Variants in GLI3 observed in about 807,000 individuals in gnomAD.
GLI3 encodes GLI family zinc finger 3, also known as transcription activator GLI3.
In GLI3, 20 loss-of-function variants were observed where a neutral mutation model predicts 100.8. The observed-to-expected ratio is 0.20, with a 90% confidence interval of 0.14 to 0.29. The LOEUF is 0.29. Among genes scored for constraint, GLI3 ranks in the 10% least tolerant of loss-of-function variants. The probability of loss-of-function intolerance (pLI) is 1.00; values close to 1 mark genes in which losing one functional copy is unlikely to be tolerated. For synonymous variants in GLI3, 938 were observed against 860.5 expected (o/e 1.09, Z -1.58); for missense variants, 2,040 against 2,128.5 (o/e 0.96, Z 0.82).
At chr7:42,224,033 T>C (rs908993290) in intron 1 of GLI3, among the ~76,000 whole-genome samples, 86 of 152,230 alleles carry the variant, frequency 5.6e-4, no homozygotes, top group Non-Finnish European at 9.4e-4. Context: ...TTAGGAAATA[T>C]CAAAACTCAG....
intron 2 of GLI3, among the ~76,000 whole-genome samples, chr7:42,209,566 C>A (rs1004589590): frequency 3.3e-5 from 5 of 152,114 alleles, no homozygotes; most frequent in Admixed American, 2.6e-4. Flanking sequence ...TAACATTCTG[C>A]AAAATTCCTG....
intron 5 of GLI3, among the ~76,000 whole-genome samples, chr7:42,046,704 C>T (rs1439070563): frequency 6.6e-6 from 1 of 152,164 alleles, no homozygotes; most frequent in African/African-American, 2.4e-5. Flanking sequence ...AATTCCAAGT[C>T]CATTGTCAGC....
At chr7:42,029,185 G>A (rs533337865) in intron 7 of GLI3, among the ~76,000 whole-genome samples, 2 of 152,336 alleles carry the variant, frequency 1.3e-5, no homozygotes, top group Admixed American at 6.5e-5. Context: ...GACCCAGAAG[G>A]GCTGGCCCTC....
At chr7:42,090,103 A>T (rs1785186350) in intron 3 of GLI3, among the ~76,000 whole-genome samples, 1 of 152,224 alleles carries the variant, frequency 6.6e-6, no homozygotes, top group African/African-American at 2.4e-5. Context: ...ATCTAAACAT[A>T]GAAAAGGTAC....
At chr7:42,141,349 T>A (rs538135481) in intron 3 of GLI3, among the ~76,000 whole-genome samples, 11 of 152,094 alleles carry the variant, frequency 7.2e-5, no homozygotes, top group Admixed American at 7.2e-4. Flanking sequence ...AGTCTATGAG[T>A]GAAATGCCAG....
intron 1 of GLI3, among the ~76,000 whole-genome samples, chr7:42,223,581 A>G (rs186963900): frequency 1.3e-5 from 2 of 152,328 alleles, no homozygotes; most frequent in East Asian, 1.9e-4. Context: ...TAAAAATCTC[A>G]ATTTGCAACT....
At chr7:42,181,839 A>T (rs933488505) in intron 2 of GLI3, among the ~76,000 whole-genome samples, 4 of 152,302 alleles carry the variant, frequency 2.6e-5, no homozygotes, top group Admixed American at 2.0e-4. Context: ...TTGGTAAATA[A>T]CATCAAGCAC....
At chr7:42,072,218 A>G (rs917834837) in intron 4 of GLI3, among the ~76,000 whole-genome samples, 1 of 152,192 alleles carries the variant, frequency 6.6e-6, no homozygotes, top group Admixed American at 6.5e-5. Context: ...GTAACCAAGG[A>G]CCCTGCTTTG....
At chr7:42,188,359 C>T (rs1449542449) in intron 2 of GLI3, among the ~76,000 whole-genome samples, 1 of 152,082 alleles carries the variant, frequency 6.6e-6, no homozygotes, top group Non-Finnish European at 1.5e-5. Context: ...ATACACACAC[C>T]GCTGGTAAAG....
intron 3 of GLI3, among the ~76,000 whole-genome samples, chr7:42,078,328 A>G (rs1784923521): frequency 6.6e-6 from 1 of 152,238 alleles, no homozygotes; most frequent in African/African-American, 2.4e-5. Flanking sequence ...TTAAAGTTAT[A>G]GTACATTGCT....
intron 2 of GLI3, among the ~76,000 whole-genome samples, chr7:42,206,393 A>G (rs1308981188): frequency 6.6e-6 from 1 of 152,162 alleles, no homozygotes; most frequent in Non-Finnish European, 1.5e-5. Context: ...GGTTTAATAC[A>G]TGTTAATATT....
chr7:41,993,727 A>C (rs1788049058), intron 10 of GLI3, among the ~76,000 whole-genome samples: 1 of 152,182 alleles, frequency 6.6e-6, no homozygotes, highest in Non-Finnish European at 1.5e-5. Flanking sequence ...CTTTGGAGCC[A>C]ATGTGGTCCC....
At chr7:42,133,643 G>GAAAAAAA (rs11400220) in intron 3 of GLI3, among the ~76,000 whole-genome samples, 1 of 140,326 alleles carries the variant, frequency 7.1e-6, no homozygotes. Flanking sequence ...GAAAGCAGCA[G>GAAAAAAA]AAAAAAAAAA....
chr7:42,119,873 C>T lies in GLI3; in HGVS notation c.367+28353G>A, dbSNP rs866933616. ...TAACTTTCTACCCCCTGTTTGGTTCCCAGTGTGAAATTTGCTGAAATAAAA... is the reference window on the plus strand; with the variant it reads ...TAACTTTCTACCCCCTGTTTGGTTCTCAGTGTGAAATTTGCTGAAATAAAA... On this transcript the variant is annotated intron_variant, in intron 3 of 14. Transcript: ENST00000395925. 4.6e-5 allele frequency among the ~76,000 whole-genome samples: 7 copies of T among 152,098 alleles called. No homozygotes were observed. The South Asian group carries it at 1.2e-3, about 27-fold the overall frequency.
intron 2 of GLI3, among the ~76,000 whole-genome samples, chr7:42,178,663 T>C (rs1347757660): frequency 6.6e-6 from 1 of 152,182 alleles, no homozygotes; most frequent in Non-Finnish European, 1.5e-5. Flanking sequence ...TCTAGACACT[T>C]GGACTCTAGC....
intron 3 of GLI3, among the ~76,000 whole-genome samples, chr7:42,146,563 A>C (rs552055953): frequency 6.6e-6 from 1 of 152,362 alleles, no homozygotes; most frequent in African/African-American, 2.4e-5. Flanking sequence ...ATTAGTGGGC[A>C]TCTTGAAAAG....
chr7:42,124,872 A>G (rs967777435), intron 3 of GLI3, among the ~76,000 whole-genome samples: 6 of 152,230 alleles, frequency 3.9e-5, no homozygotes, highest in African/African-American at 1.4e-4. Context: ...TTAAAATAGC[A>G]AGTCTAATAA....
chr7:41,965,978 G>A lies in GLI3; in HGVS notation c.3095C>T (p.Pro1032Leu). The change falls in exon 15 of 15, where the codon CCC becomes CTC. Residue 1032 changes from proline to leucine, a missense_variant. Pro to Leu is a moderately conservative substitution (Grantham distance 98, BLOSUM62 -3). Coordinates refer to ENST00000395925, the MANE Select transcript of GLI3 (RefSeq NM_000168.6). The part of the protein sequence containing the change: ...PRFSSLSSCN[P>L]PAMATSAEKR... ...CTCCGCGGACGTGGCCATCGCCGGG[G>A]GGTTGCAGCTGCTGAGGCTGCTGAA... 1 of 1,607,224 alleles carries A rather than the reference G, an allele frequency of 6.2e-7. No individual in the cohort carries two copies. Among genetic ancestry groups the A allele is most frequent in the East Asian group, 2.2e-5 (1 of 44,840 alleles).
At chr7:42,080,980 A>G (rs908145652) in intron 3 of GLI3, among the ~76,000 whole-genome samples, 2 of 152,216 alleles carry the variant, frequency 1.3e-5, no homozygotes, top group Non-Finnish European at 2.9e-5. Flanking sequence ...AAGTTACTGC[A>G]CCGCAGCCAT....
Sources: gnomAD v4.1 joint callset for allele counts (sites outside exome capture counted in the v4.1 genomes callset) on GRCh38, gnomAD v4.1.1 for gene constraint, MANE v1.5 for transcripts, NCBI Gene and HGNC (gene_info 2026-07-23, HGNC 2026-07-21) for gene names.